The following TET2 variants were observed in gnomAD, a reference collection of about 807,000 sequenced individuals.
TET2 encodes tet methylcytosine dioxygenase 2.
Under a neutral mutation model 142.9 loss-of-function variants are expected in TET2, and 299 were observed. The observed-to-expected ratio is 2.09, with a 90% CI of 1.90 to 2.30. The LOEUF (loss-of-function observed/expected upper bound fraction) is 2.30. Ranked by LOEUF, TET2 falls within the 30% of genes most tolerant of loss-of-function variation. TET2 has a pLI of 0.00. For missense variants in TET2, 2,418 were observed against 2,378.0 expected, an observed-to-expected ratio of 1.02 and a Z score of -0.35; for synonymous variants, 819 against 849.0, an observed-to-expected ratio of 0.96 and a Z score of 0.61.
intron 6 of TET2, among the ~76,000 whole-genome samples, chr4:105,251,212 A>T (rs572510650): frequency 6.6e-6 from 1 of 152,044 alleles, no homozygotes; most frequent in Non-Finnish European, 1.5e-5. Flanking sequence ...TTCACTTCCA[A>T]TCTGGGTGGC....
chr4:105,167,716 A>T (rs990859867), intron 1 of TET2, among the ~76,000 whole-genome samples: 1 of 152,120 alleles, frequency 6.6e-6, no homozygotes, highest in African/African-American at 2.4e-5. Flanking sequence ...TCCTGTACAG[A>T]TCTAAGGTGT....
At chr4:105,271,698 T>C (rs1730971989) in intron 9 of TET2, among the ~76,000 whole-genome samples, 1 of 152,226 alleles carries the variant, frequency 6.6e-6, no homozygotes, top group Non-Finnish European at 1.5e-5. Flanking sequence ...TCACATTAGA[T>C]CACATTGTCT....
At chr4:105,256,223 T>A (rs941737466) in intron 6 of TET2, among the ~76,000 whole-genome samples, 5 of 152,296 alleles carry the variant, frequency 3.3e-5, no homozygotes, top group African/African-American at 1.2e-4. Context: ...TTTAAGTTCT[T>A]AGGTGTATTT....
At chr4:105,255,905 T>C (rs1309629557) in intron 6 of TET2, among the ~76,000 whole-genome samples, 1 of 106,328 alleles carries the variant, frequency 9.4e-6, no homozygotes, top group Non-Finnish European at 1.8e-5. Flanking sequence ...TTCCCTTGTC[T>C]TTTACTAAAT....
chr4:105,238,407 A>T (rs187156390), intron 3 of TET2: 1 of 242,494 alleles, frequency 4.1e-6, no homozygotes, highest in African/African-American at 2.2e-5. Flanking sequence ...ATAGCATTTA[A>T]CCCACAGCAG....
At chr4:105,190,704 T>C (rs79862860) in intron 2 of TET2, 199 bp downstream of exon 2, 8,676 of 475,650 alleles carry the variant, frequency 0.018, 638 homozygotes, top group African/African-American at 0.15. Flanking sequence ...GACTTATGTA[T>C]AGCTGTATTT....
intron 2 of TET2, among the ~76,000 whole-genome samples, 190 bp from the exon 3 acceptor site, chr4:105,233,707 C>T (rs1012488915): frequency 1.3e-5 from 2 of 152,090 alleles, no homozygotes; most frequent in Non-Finnish European, 2.9e-5. Context: ...GCTATGAAGA[C>T]AAGAATGTTT....
intron 1 of TET2, among the ~76,000 whole-genome samples, chr4:105,174,419 A>T (rs1440572869): frequency 6.6e-6 from 1 of 152,168 alleles, no homozygotes; most frequent in East Asian, 1.9e-4. Flanking sequence ...TAAAAACACA[A>T]CAAGTAAAAA....
rs1408757896 is a variant in TET2, at chr4:105,237,088, AAT to A, written c.3147_3148del (p.Lys1049AsnfsTer8). On this transcript the variant is annotated frameshift_variant, in exon 3 of 11. Transcript: ENST00000380013. LOFTEE classifies it high-confidence loss of function. ...TTTGACCATAAGGCTCTTACTCTCAAATCACAGAAGCAAGTAAAAGTTGAAAT... is the reference window on the plus strand; with the variant it reads ...TTTGACCATAAGGCTCTTACTCTCAACACAGAAGCAAGTAAAAGTTGAAAT... The A allele has an allele frequency of 6.2e-7, 1 of 1,614,032 alleles. No homozygotes were observed. Among genetic ancestry groups the A allele is most frequent in the Non-Finnish European group, 8.5e-7 (1 of 1,180,026 alleles).
intron 1 of TET2, among the ~76,000 whole-genome samples, chr4:105,185,181 T>C (rs920692385): frequency 6.6e-6 from 1 of 152,080 alleles, no homozygotes; most frequent in African/African-American, 2.4e-5. Context: ...TTTTTTTTTT[T>C]CCTTCATTTT....
intron 1 of TET2, among the ~76,000 whole-genome samples, chr4:105,155,138 G>T (rs1313794566): frequency 2.6e-5 from 4 of 152,154 alleles, no homozygotes; most frequent in Admixed American, 2.0e-4. Flanking sequence ...TCTTATCTAT[G>T]TGAAAACAGA....
chr4:105,258,219 G>T (rs1317275270), intron 6 of TET2, among the ~76,000 whole-genome samples: 1 of 152,136 alleles, frequency 6.6e-6, no homozygotes, highest in South Asian at 2.1e-4. Context: ...AGCTGATTCT[G>T]ACAATATTTA....
intron 2 of TET2, among the ~76,000 whole-genome samples, chr4:105,200,906 G>A (rs983173798): frequency 1.4e-4 from 21 of 151,996 alleles, no homozygotes; most frequent in African/African-American, 3.4e-4. Flanking sequence ...TGATCTGCCC[G>A]CCTCAGCCTC....
rs148345467 is a variant in TET2 at position 105,235,201 on chromosome 4, C to G, written c.1259C>G (p.Ser420Ter). 6.2e-7 allele frequency: 1 copy of G among 1,614,048 alleles called. No homozygotes were observed. Among genetic ancestry groups the G allele is most frequent in the Non-Finnish European group, 8.5e-7 (1 of 1,179,988 alleles). Residue 420 changes from serine (S) to a stop codon, truncating the protein, a stop_gained, in exon 3 of 11, where the codon TCA (serine) becomes TGA (stop). Transcript: ENST00000380013. LOFTEE classifies it high-confidence loss of function. ...CTTCCACAGGTTCCTCAGCTTCCTT[C>G]AGAAGGAAAAAGCACTCTGAATGGT... ...PPLPQVPQLP[S>*]EGKSTLNGGV... is the part of the protein sequence containing the mutation.
rs2110235806 is a variant in TET2, at chr4:105,236,805, C to T, written c.2863C>T (p.His955Tyr). 3 of 1,614,142 alleles carry T rather than the reference C, an allele frequency of 1.9e-6. No homozygotes were observed. The highest frequency in any genetic ancestry group is 1.1e-5 in the South Asian group (1 of 91,082). ...DTQKHAALRW[H>Y]LLQKQEQQQT... ...TCAAAAGCATGCTGCTCTAAGGTGGCATCTCTTACAGAAGCAAGAACAGCA... is the reference window on the plus strand; with the variant it reads ...TCAAAAGCATGCTGCTCTAAGGTGGTATCTCTTACAGAAGCAAGAACAGCA... Residue 955 changes from histidine (H) to tyrosine (Y), a missense_variant, in exon 3 of 11, where the codon CAT becomes TAT. Transcript: ENST00000380013.
At chr4:105,241,283 C>G (rs2110248285) in intron 3 of TET2, 56 bp from the exon 4 acceptor site, 1 of 1,489,976 alleles carries the variant, frequency 6.7e-7, no homozygotes, top group Non-Finnish European at 8.9e-7. Context: ...GTGGATGTAG[C>G]CTTTATATTT....
Position 105,176,463 on chromosome 4 carries a change from A to G in TET2, c.-192-13897A>G, listed in dbSNP as rs1049454600. Among the ~76,000 whole-genome samples, 19 of 152,292 alleles carry G rather than the reference A, an allele frequency of 1.2e-4. No homozygotes were observed. In the South Asian group the frequency reaches 1.4e-3, roughly 12 times the overall value. The stretch of plus-strand genomic sequence containing the variant: ...AGGTTACAGAATACAAACTTAATAT[A>G]AAGAAAGCCAATCACTTTCCTGTAT... On this transcript the variant is annotated intron_variant, in intron 1 of 10. Coordinates refer to ENST00000380013, the MANE Select transcript of TET2 (RefSeq NM_001127208.3).
intron 2 of TET2, among the ~76,000 whole-genome samples, chr4:105,212,714 G>T (rs886602359): frequency 2.6e-5 from 4 of 151,986 alleles, no homozygotes; most frequent in Admixed American, 6.6e-5. Flanking sequence ...TTCCAGCCAG[G>T]TGCGGTAGCT....
intron 2 of TET2, among the ~76,000 whole-genome samples, chr4:105,191,717 G>C (rs952257619): frequency 6.6e-6 from 1 of 152,050 alleles, no homozygotes; most frequent in African/African-American, 2.4e-5. Flanking sequence ...TTTCCAGTGT[G>C]TCCTCAGTTG....
Sources: allele counts gnomAD v4.1 joint callset (sites outside exome capture counted in the v4.1 genomes callset), GRCh38; gene constraint gnomAD v4.1.1; transcripts MANE v1.5; gene names NCBI Gene and HGNC (gene_info 2026-07-23, HGNC 2026-07-21).